ITPR2: variants seen among roughly 807,000 people sequenced by gnomAD.
ITPR2 encodes inositol 1,4,5-trisphosphate receptor type 2, also known as inositol 1,4,5-trisphosphate-gated calcium channel ITPR2.
ITPR2 carries 207 observed loss-of-function variants against 317.1 expected under a neutral mutation model. The ratio of observed to expected loss-of-function variants is 0.65; its 90% CI spans 0.58 to 0.73. The LOEUF is 0.73. ITPR2 is among the 30% of genes least tolerant of loss of function. The pLI, the probability that ITPR2 is intolerant of heterozygous loss-of-function variation, is 0.00. For missense variants in ITPR2, 2,613 were observed against 3,284.0 expected (o/e 0.80, Z 4.99); for synonymous variants, 1,156 against 1,149.1 (o/e 1.01, Z -0.12).
chr12:26,695,490 C>T (rs1300047536), intron 10 of ITPR2, 116 bp downstream of exon 10: 2 of 811,428 alleles, frequency 2.5e-6, no homozygotes, highest in East Asian at 2.6e-5. Context: ...ATAGGCTCTA[C>T]TCAGAAAATC....
intron 34 of ITPR2, among the ~76,000 whole-genome samples, chr12:26,564,470 C>T (rs563444372): frequency 2.0e-5 from 3 of 152,190 alleles, no homozygotes; most frequent in East Asian, 3.9e-4. Context: ...GAACTGCATC[C>T]CCAAAAAGTA....
intron 21 of ITPR2, among the ~76,000 whole-genome samples, chr12:26,638,290 T>G (rs1048365326): frequency 2.0e-5 from 3 of 152,232 alleles, no homozygotes. Flanking sequence ...AATAAATGAA[T>G]GTACATGCTG....
At chr12:26,514,094 G>A (rs2136921855) in intron 37 of ITPR2, among the ~76,000 whole-genome samples, 1 of 151,846 alleles carries the variant, frequency 6.6e-6, no homozygotes, top group East Asian at 1.9e-4. Context: ...CATAATTTTA[G>A]TCTTATTTTT....
chr12:26,584,240 T>C (rs1431519352), intron 32 of ITPR2, among the ~76,000 whole-genome samples: 1 of 152,166 alleles, frequency 6.6e-6, no homozygotes, highest in Non-Finnish European at 1.5e-5. Context: ...TGGTGGTATC[T>C]CTGTATAAGG....
intron 35 of ITPR2, 99 bp from the exon 36 acceptor site, chr12:26,556,474 G>A: frequency 9.0e-7 from 1 of 1,105,884 alleles, no homozygotes; most frequent in Non-Finnish European, 1.3e-6. Flanking sequence ...GAATTTTATA[G>A]ATGCCCCTCT....
chr12:26,547,706 G>T (rs1340988773), intron 37 of ITPR2, among the ~76,000 whole-genome samples: 1 of 152,192 alleles, frequency 6.6e-6, no homozygotes, highest in African/African-American at 2.4e-5. Flanking sequence ...TATGTGCAAT[G>T]GAATTTTATT....
chr12:26,484,182 T>A (rs1462127830), intron 41 of ITPR2, among the ~76,000 whole-genome samples: 2 of 151,126 alleles, frequency 1.3e-5, no homozygotes, highest in African/African-American at 4.9e-5. Context: ...TGTGTATATA[T>A]ATATCAAGAT....
intron 2 of ITPR2, among the ~76,000 whole-genome samples, chr12:26,778,560 T>C (rs966378325): frequency 2.6e-5 from 4 of 152,226 alleles, no homozygotes; most frequent in African/African-American, 9.6e-5. Flanking sequence ...CCAGAAGCAA[T>C]TTGCCTTCGG....
chr12:26,568,014 AT>A (rs1370310276), intron 34 of ITPR2, among the ~76,000 whole-genome samples: 7,994 of 68,134 alleles, frequency 0.12, 812 homozygotes, highest in Middle Eastern at 0.29. Context: ...TATTATATAT[AT>A]ATATATATAT....
In ITPR2 at chr12:26,417,730, G is replaced by A. The variant is rs115665173; in HGVS notation, c.7110+1319C>T. 9.7e-3 allele frequency among the ~76,000 whole-genome samples: 1,483 copies of A among 152,142 alleles called. 24 individuals are homozygous for A. Among genetic ancestry groups the A allele is most frequent in the African/African-American group, 0.034 (1,417 of 41,508 alleles). On this transcript the variant is annotated intron_variant, in intron 50 of 56. Transcript: ENST00000381340. ...AGTATATTCATAGCAGTGTGAGAACGGACTAACACATCTGTTTAATGGATC... is the reference window on the plus strand; with the variant it reads ...AGTATATTCATAGCAGTGTGAGAACAGACTAACACATCTGTTTAATGGATC...
intron 32 of ITPR2, among the ~76,000 whole-genome samples, chr12:26,586,781 G>A (rs1945540628): frequency 6.6e-6 from 1 of 151,940 alleles, no homozygotes; most frequent in Non-Finnish European, 1.5e-5. Flanking sequence ...TATTCTAATA[G>A]AGTTTCTATT....
chr12:26,726,940 T>C (rs768958144), intron 2 of ITPR2, among the ~76,000 whole-genome samples: 14 of 152,076 alleles, frequency 9.2e-5, no homozygotes, highest in Non-Finnish European at 1.9e-4. Flanking sequence ...ACCCCCCATA[T>C]ACAGACAAGG....
intron 40 of ITPR2, 47 bp downstream of exon 40, chr12:26,487,021 C>G (rs1236844093): frequency 6.7e-7 from 1 of 1,496,034 alleles, no homozygotes; most frequent in Non-Finnish European, 9.3e-7. Flanking sequence ...CGCTATTCCC[C>G]TCTTTTCTCT....
intron 37 of ITPR2, among the ~76,000 whole-genome samples, chr12:26,522,794 T>C (rs1591854685): frequency 6.6e-6 from 1 of 152,012 alleles, no homozygotes; most frequent in East Asian, 1.9e-4. Context: ...AGCAAATTCT[T>C]GAGAAGATTT....
intron 34 of ITPR2, among the ~76,000 whole-genome samples, chr12:26,569,810 C>G (rs73290030): frequency 2.0e-5 from 3 of 152,008 alleles, no homozygotes. Flanking sequence ...AAAAATCTAA[C>G]GCACTGAAGA....
chr12:26,383,543 G>A (rs547573216), intron 55 of ITPR2, among the ~76,000 whole-genome samples: 1 of 152,094 alleles, frequency 6.6e-6, no homozygotes, highest in African/African-American at 2.4e-5. Flanking sequence ...GAGGGCAGTG[G>A]CGTGATCTCG....
intron 22 of ITPR2, among the ~76,000 whole-genome samples, chr12:26,629,161 G>A (rs577788598): frequency 7.9e-5 from 12 of 151,814 alleles, no homozygotes; most frequent in South Asian, 2.1e-4. Flanking sequence ...CTCCTCCTAC[G>A]CCCCTTCTCT....
At chr12:26,781,599 G>A (rs1269382878) in intron 2 of ITPR2, among the ~76,000 whole-genome samples, 1 of 152,138 alleles carries the variant, frequency 6.6e-6, no homozygotes, top group Non-Finnish European at 1.5e-5. Flanking sequence ...CTCAGGAGAT[G>A]TTTATGGGTT....
intron 1 of ITPR2, among the ~76,000 whole-genome samples, chr12:26,825,516 C>CA (rs563114144): frequency 1.9e-4 from 28 of 146,710 alleles, no homozygotes; most frequent in East Asian, 5.9e-4. Flanking sequence ...AGAACAGTTA[C>CA]AAAAAAAAAA....
Sources: gnomAD v4.1 joint callset for allele counts (sites outside exome capture counted in the v4.1 genomes callset) on GRCh38, gnomAD v4.1.1 for gene constraint, MANE v1.5 for transcripts, NCBI Gene and HGNC (gene_info 2026-07-23, HGNC 2026-07-21) for gene names.